Variants in STK32B observed in about 807,000 individuals in gnomAD.
STK32B encodes the protein serine/threonine kinase 32B.
In STK32B, 43 loss-of-function variants were observed where a neutral mutation model predicts 52.6. That is an observed-to-expected ratio of 0.82 (90% CI 0.64 to 1.05). The LOEUF (loss-of-function observed/expected upper bound fraction) is 1.05. STK32B is among the 50% of genes least tolerant of loss of function. STK32B has a pLI of 0.00. For synonymous variants in STK32B, 238 were observed against 204.3 expected (o/e 1.17, Z -1.41); for missense variants, 621 against 534.6 (o/e 1.16, Z -1.59).
intron 3 of STK32B, among the ~76,000 whole-genome samples, chr4:5,327,922 C>T (rs1217813023): frequency 1.3e-5 from 2 of 152,214 alleles, no homozygotes; most frequent in Admixed American, 6.5e-5. Flanking sequence ...GTGTATTCAC[C>T]TTCACCAGTG....
At position 5,155,941 on chromosome 4, in the gene STK32B, G is replaced by A. The variant is rs192053384; in HGVS notation, c.109-12358G>A. ...CACAGTGTCTAAGCAATATGTACAC[G>A]TGCATATACATATACATAGATATGC... On this transcript the variant is annotated intron_variant, in intron 2 of 11. Transcript: ENST00000282908. Among the ~76,000 whole-genome samples, 9 of 151,980 alleles carry A rather than the reference G, an allele frequency of 5.9e-5. 1 individual carries two copies. Among genetic ancestry groups the A allele is most frequent in the East Asian group, 5.8e-4 (3 of 5,176 alleles).
At chr4:5,119,031 G>A (rs1032061903) in intron 1 of STK32B, among the ~76,000 whole-genome samples, 14 of 152,136 alleles carry the variant, frequency 9.2e-5, no homozygotes, top group African/African-American at 3.4e-4. Context: ...CATAAAATTT[G>A]GATGCCATAG....
chr4:5,496,797 C>A (rs1283145619), intron 11 of STK32B, among the ~76,000 whole-genome samples: 2 of 148,108 alleles, frequency 1.4e-5, no homozygotes, highest in South Asian at 2.1e-4. Context: ...GAAATTTTTT[C>A]TTTGCTTTAA....
chr4:5,055,866 TA>T (rs11342203), intron 1 of STK32B, among the ~76,000 whole-genome samples: 34,209 of 151,212 alleles, frequency 0.23, 4,008 homozygotes, highest in East Asian at 0.49. Flanking sequence ...TTCCTTGCTT[TA>T]TTTTTTTTTG....
intron 9 of STK32B, among the ~76,000 whole-genome samples, chr4:5,465,994 G>A (rs1717398463): frequency 1.3e-5 from 2 of 152,228 alleles, no homozygotes; most frequent in East Asian, 1.9e-4. Context: ...ACAAGATCAG[G>A]AAGTAGCAGA....
chr4:5,362,169 G>T (rs1356437284), intron 4 of STK32B, among the ~76,000 whole-genome samples: 1 of 152,126 alleles, frequency 6.6e-6, no homozygotes, highest in African/African-American at 2.4e-5. Flanking sequence ...AACTCTCCGT[G>T]GTGCTGAAAA....
intron 3 of STK32B, among the ~76,000 whole-genome samples, chr4:5,172,935 G>T (rs1239243330): frequency 6.6e-6 from 1 of 152,140 alleles, no homozygotes; most frequent in East Asian, 1.9e-4. Flanking sequence ...AATCCGTCTG[G>T]TCCTGGAATT....
intron 3 of STK32B, among the ~76,000 whole-genome samples, chr4:5,292,827 G>C (rs1728972059): frequency 1.3e-5 from 2 of 151,792 alleles, no homozygotes; most frequent in Non-Finnish European, 2.9e-5. Context: ...AGAATGTCCA[G>C]GTTTGCTACA....
chr4:5,090,620 C>T (rs1368664211), intron 1 of STK32B, among the ~76,000 whole-genome samples: 2 of 152,086 alleles, frequency 1.3e-5, no homozygotes, highest in Non-Finnish European at 2.9e-5. Context: ...TCCTTGGCCT[C>T]CCAAAGTGCT....
At chr4:5,495,537 C>G (rs184367888) in intron 11 of STK32B, among the ~76,000 whole-genome samples, 1 of 152,150 alleles carries the variant, frequency 6.6e-6, no homozygotes, top group African/African-American at 2.4e-5. Context: ...TCCTGTAGCT[C>G]GCAGTAGCTT....
chr4:5,251,094 G>C (rs1018198465), intron 3 of STK32B, among the ~76,000 whole-genome samples: 1 of 152,084 alleles, frequency 6.6e-6, no homozygotes, highest in Admixed American at 6.6e-5. Flanking sequence ...TGGTTTTGTT[G>C]CAATTGCTTT....
intron 3 of STK32B, among the ~76,000 whole-genome samples, chr4:5,304,182 A>T (rs1729762170): frequency 6.6e-6 from 1 of 151,846 alleles, no homozygotes; most frequent in Non-Finnish European, 1.5e-5. Context: ...ATTCCATATG[A>T]ATTTTAGGAT....
intron 3 of STK32B, among the ~76,000 whole-genome samples, chr4:5,191,281 C>T (rs916910109): frequency 9.3e-5 from 14 of 150,492 alleles, no homozygotes; most frequent in South Asian, 2.1e-4. Context: ...GACAGAGTCT[C>T]GCTCTGTCAC....
rs1017673859 is a variant in STK32B, at chr4:5,324,200, A to G, written c.261-7020A>G. 3.3e-5 allele frequency among the ~76,000 whole-genome samples: 5 copies of G among 152,288 alleles called. No individual in the cohort carries two copies. In the South Asian group the frequency reaches 8.3e-4, roughly 25 times the overall value. On this transcript the variant is annotated intron_variant, in intron 3 of 11. Coordinates refer to ENST00000282908, the MANE Select transcript of STK32B (RefSeq NM_018401.3). ...GAAACCTTGTCACTTTTAAAAATAT[A>G]AAAGCTAGTCAGGTGTGGTGGCATG...
At chr4:5,334,707 A>C (rs548429784) in intron 4 of STK32B, among the ~76,000 whole-genome samples, 11 of 150,688 alleles carry the variant, frequency 7.3e-5, no homozygotes, top group East Asian at 1.9e-4. Flanking sequence ...ATTTTGTCAA[A>C]GGCCTTTTCT....
intron 2 of STK32B, among the ~76,000 whole-genome samples, chr4:5,167,487 TGGGTTTCCCCAGAATCAGGCTCCAA>T (rs1267284696): frequency 4.7e-4 from 71 of 152,306 alleles, no homozygotes; most frequent in African/African-American, 1.6e-3. Flanking sequence ...TGCCTGAGTT[TGGGTTTCCCCAGAATCAGGCTCCAA>T]GGCAAAGATT....
At chr4:5,463,098 A>G (rs1348439931) in intron 9 of STK32B, among the ~76,000 whole-genome samples, 1 of 152,242 alleles carries the variant, frequency 6.6e-6, no homozygotes, top group Non-Finnish European at 1.5e-5. Flanking sequence ...GGAGGCTTCC[A>G]AAGCCTCTGC....
At chr4:5,461,081 C>A (rs1183477077) in intron 9 of STK32B, among the ~76,000 whole-genome samples, 1 of 152,158 alleles carries the variant, frequency 6.6e-6, no homozygotes, top group Non-Finnish European at 1.5e-5. Flanking sequence ...AGTTGCATTT[C>A]TCCTAGAGGG....
intron 4 of STK32B, among the ~76,000 whole-genome samples, chr4:5,382,141 A>G (rs972303440): frequency 2.6e-5 from 4 of 152,168 alleles, no homozygotes; most frequent in African/African-American, 7.2e-5. Context: ...CTCAAAGTCA[A>G]CTGACTTAAA....
Sources: allele counts gnomAD v4.1 joint callset (sites outside exome capture counted in the v4.1 genomes callset), GRCh38; gene constraint gnomAD v4.1.1; transcripts MANE v1.5; gene names NCBI Gene and HGNC (gene_info 2026-07-23, HGNC 2026-07-21).